Variants in FBXO11 observed in about 807,000 individuals in gnomAD.
FBXO11 encodes F-box only protein 11.
FBXO11 carries 13 observed loss-of-function variants against 117.0 expected under a neutral mutation model. The ratio of observed to expected loss-of-function variants is 0.11; its 90% CI spans 0.07 to 0.18. The LOEUF is 0.18. FBXO11 is among the 10% of genes least tolerant of loss of function. FBXO11 has a pLI of 1.00. For synonymous variants in FBXO11, 490 were observed against 380.5 expected (o/e 1.29, Z -3.35); for missense variants, 767 against 1,164.4 (o/e 0.66, Z 4.97).
At chr2:47,876,496 G>C (rs780918258) in intron 1 of FBXO11, among the ~76,000 whole-genome samples, 1 of 152,116 alleles carries the variant, frequency 6.6e-6, no homozygotes, top group Non-Finnish European at 1.5e-5. Flanking sequence ...CCTCATTCTT[G>C]CTGACAGATA....
At chr2:47,859,991 G>C (rs1251953942) in intron 1 of FBXO11, among the ~76,000 whole-genome samples, 2 of 152,050 alleles carry the variant, frequency 1.3e-5, no homozygotes, top group Non-Finnish European at 2.9e-5. Context: ...GCTGTTTCTA[G>C]CTGTCCATGG....
intron 1 of FBXO11, among the ~76,000 whole-genome samples, chr2:47,882,864 G>A (rs1415151981): frequency 6.6e-6 from 1 of 152,068 alleles, no homozygotes; most frequent in Non-Finnish European, 1.5e-5. Context: ...GTCTAGGCTG[G>A]TCTCAAACTC....
chr2:47,858,390 A>G (rs1674477223), intron 1 of FBXO11, among the ~76,000 whole-genome samples: 1 of 151,816 alleles, frequency 6.6e-6, no homozygotes, highest in Non-Finnish European at 1.5e-5. Context: ...TTAATGAAAA[A>G]CATAATACAG....
At position 47,858,071 on chromosome 2, in the gene FBXO11, G is replaced by A. The variant is rs190291074; in HGVS notation, c.233-18302C>T. On this transcript the variant is annotated intron_variant, in intron 1 of 22. Transcript: ENST00000403359. ...CATTGCCTTGGGTCACTATAAAAGA[G>A]CGTAAACTAGAAAAAAAAATACAAA... Among the ~76,000 whole-genome samples the A allele has an allele frequency of 6.8e-3, 1,031 of 152,182 alleles. 4 individuals carry two copies. The highest frequency in any genetic ancestry group is 0.01 in the Admixed American group (158 of 15,292).
chr2:47,809,354 CCACTATT>C (rs1320382677), intron 20 of FBXO11, 88 bp from the exon 21 acceptor site: 1 of 856,126 alleles, frequency 1.2e-6, no homozygotes. Flanking sequence ...AACAGAAGAG[CCACTATT>C]TTTAAGAGCT....
chr2:47,822,450 C>G (rs1671458904), intron 12 of FBXO11, 147 bp from the exon 13 acceptor site: 1 of 571,772 alleles, frequency 1.7e-6, no homozygotes, highest in Non-Finnish European at 3.0e-6. Flanking sequence ...AGGCCTAAGA[C>G]TTTGGAAAAG....
At position 47,835,371 on chromosome 2, in the gene FBXO11, T is replaced by A. The variant is rs17036985; in HGVS notation, c.718-500A>T. Among the ~76,000 whole-genome samples the A allele has an allele frequency of 8.6e-4, 131 of 152,320 alleles. 1 individual carries two copies. Among genetic ancestry groups the A allele is most frequent in the African/African-American group, 3.0e-3 (123 of 41,570 alleles). ...TTAAATACAAGTTCAAACAGACCCA[T>A]TGAAATCACAACTGCTCTTAGGCTA... On this transcript the variant is annotated intron_variant, in intron 5 of 22. Transcript: ENST00000403359.
At chr2:47,857,610 T>C (rs1224291761) in intron 1 of FBXO11, among the ~76,000 whole-genome samples, 2 of 152,042 alleles carry the variant, frequency 1.3e-5, no homozygotes, top group East Asian at 3.9e-4. Flanking sequence ...GATAGGGATG[T>C]GGTTTAGGGG....
At chr2:47,813,031 CA>C in intron 18 of FBXO11, 1 of 585,506 alleles carries the variant, frequency 1.7e-6, no homozygotes, top group Non-Finnish European at 3.0e-6. Context: ...ACTGCAGACT[CA>C]AAGTGGCTAC....
chr2:47,882,099 A>C (rs946237637), intron 1 of FBXO11, among the ~76,000 whole-genome samples: 62 of 152,070 alleles, frequency 4.1e-4, no homozygotes, highest in Admixed American at 1.3e-4. Flanking sequence ...CACACCAATC[A>C]TTTCCCCATG....
intron 11 of FBXO11, among the ~76,000 whole-genome samples, chr2:47,831,913 C>T (rs1300270033): frequency 1.3e-5 from 2 of 152,052 alleles, no homozygotes; most frequent in African/African-American, 4.8e-5. Context: ...AACAATGAAA[C>T]CATTATTTCT....
At position 47,839,627 on chromosome 2, in the gene FBXO11, T is replaced by C. The variant is rs372457051; in HGVS notation, c.360+15A>G. 3.6e-5 allele frequency: 58 copies of C among 1,606,310 alleles called. No individual in the cohort carries two copies. The African/African-American group carries it at 4.2e-4, about 12-fold the overall frequency. On this transcript the variant is annotated intron_variant, in intron 2 of 22. Transcript: ENST00000403359. ...CTTTCATTACAAAAAGAAAAGCAAC[T>C]ACAGTTAAAGTTACCTCCATACTGT...
intron 1 of FBXO11, among the ~76,000 whole-genome samples, chr2:47,893,330 T>C (rs1208376725): frequency 3.3e-5 from 5 of 151,652 alleles, no homozygotes; most frequent in South Asian, 2.1e-4. Flanking sequence ...TTTATAAATA[T>C]ATATAAATCA....
chr2:47,853,820 A>G (rs1320279335), intron 1 of FBXO11, among the ~76,000 whole-genome samples: 1 of 152,218 alleles, frequency 6.6e-6, no homozygotes, highest in Non-Finnish European at 1.5e-5. Flanking sequence ...CTCAAAATGT[A>G]TTTCAAATTC....
chr2:47,882,474 C>T (rs79063113), intron 1 of FBXO11, among the ~76,000 whole-genome samples: 22,783 of 152,110 alleles, frequency 0.15, 1,855 homozygotes, highest in Non-Finnish European at 0.18. Context: ...ACTTGTTCTA[C>T]TGTCATGTTT....
At chr2:47,831,742 T>C (rs759526608) in intron 11 of FBXO11, among the ~76,000 whole-genome samples, 3 of 152,204 alleles carry the variant, frequency 2.0e-5, no homozygotes, top group Non-Finnish European at 4.4e-5. Context: ...TAGAAAATTA[T>C]GTAAAACTAT....
chr2:47,869,750 T>C (rs1367029759), intron 1 of FBXO11, among the ~76,000 whole-genome samples: 1 of 152,236 alleles, frequency 6.6e-6, no homozygotes, highest in African/African-American at 2.4e-5. Flanking sequence ...CCCACTCACG[T>C]GTTTTGCATC....
At chr2:47,831,807 G>C (rs980214432) in intron 11 of FBXO11, among the ~76,000 whole-genome samples, 1 of 152,144 alleles carries the variant, frequency 6.6e-6, no homozygotes, top group Non-Finnish European at 1.5e-5. Context: ...ATTAACTGCT[G>C]CATAATGGTT....
At position 47,823,347 on chromosome 2, in the gene FBXO11, C is replaced by T; in HGVS notation, c.1412G>A (p.Ser471Asn). Residue 471 changes from serine (S) to asparagine (N), a missense_variant, in exon 12 of 23, where the codon AGT becomes AAT. Around this residue, in one of 10 missense-constraint regions of FBXO11, gnomAD observed 67 missense variants for 148.8 expected, o/e 0.45. Transcript: ENST00000403359. ...TATCCTATTTCTGTGTATATTGCAA[C>T]TTTCAAAGTAACCCTGAAAAATACA... Reference protein sequence around the residue: ...TFDHGMGYFESCNIHRNRIAG... With the variant: ...TFDHGMGYFENCNIHRNRIAG... 6.2e-7 allele frequency: 1 copy of T among 1,602,518 alleles called. No individual in the cohort carries two copies. Among genetic ancestry groups the T allele is most frequent in the Non-Finnish European group, 8.5e-7 (1 of 1,174,206 alleles).
Sources: allele counts gnomAD v4.1 joint callset (sites outside exome capture counted in the v4.1 genomes callset), GRCh38; gene constraint gnomAD v4.1.1; regional missense constraint gnomAD v4.1.1; transcripts MANE v1.5; gene names NCBI Gene and HGNC (gene_info 2026-07-23, HGNC 2026-07-21).